The following UBR3 variants were observed in gnomAD, a reference collection of about 807,000 sequenced individuals.
UBR3 encodes ubiquitin protein ligase E3 component n-recognin 3.
In UBR3, 85 loss-of-function variants were observed where a neutral mutation model predicts 243.2. The ratio of observed to expected loss-of-function variants is 0.35; its 90% CI spans 0.29 to 0.42. UBR3 has a LOEUF of 0.42. Ranked by LOEUF, UBR3 falls within the 10% of genes least tolerant of loss-of-function variation. The pLI, the probability that UBR3 is intolerant of heterozygous loss-of-function variation, is 1.00. For synonymous variants in UBR3, 748 were observed against 799.8 expected (o/e 0.94, Z 1.09); for missense variants, 1,686 against 2,300.8 (o/e 0.73, Z 5.47).
intron 5 of UBR3, among the ~76,000 whole-genome samples, chr2:169,890,579 ATG>A (rs1553504576): frequency 2.9e-4 from 18 of 61,236 alleles, no homozygotes; most frequent in Middle Eastern, 8.1e-3. Flanking sequence ...ATATATATAT[ATG>A]TATATATATA....
chr2:170,068,783 A>T lies in UBR3; in HGVS notation c.5020-4645A>T, dbSNP rs116563699. Among the ~76,000 whole-genome samples, 359 of 152,290 alleles carry T rather than the reference A, an allele frequency of 2.4e-3. 2 individuals are homozygous for T. The highest frequency in any genetic ancestry group is 8.4e-3 in the African/African-American group (349 of 41,560). On this transcript the variant is annotated intron_variant, in intron 35 of 38. Transcript: ENST00000272793. ...GGTGGTACAAATGACCAGTATCAGGAATGAAAGGGAAGACATCCATATTGA... is the reference window on the plus strand; with the variant it reads ...GGTGGTACAAATGACCAGTATCAGGTATGAAAGGGAAGACATCCATATTGA...
chr2:170,026,372 A>G (rs2090529369), intron 30 of UBR3, among the ~76,000 whole-genome samples: 1 of 152,166 alleles, frequency 6.6e-6, no homozygotes, highest in African/African-American at 2.4e-5. Context: ...TCATATTTGT[A>G]CAAACCATGT....
intron 1 of UBR3, among the ~76,000 whole-genome samples, chr2:169,852,883 A>AAAAAAAAAAAAAAAAAAAAAAAAAC (rs1491293579): frequency 1.7e-5 from 1 of 59,732 alleles, no homozygotes. Flanking sequence ...AAAAAACAAA[A>AAAAAAAAAAAAAAAAAAAAAAAAAC]CCAAACAAAT....
chr2:170,038,752 G>T lies in UBR3; in HGVS notation c.4557-2130G>T, dbSNP rs114008097. On this transcript the variant is annotated intron_variant, in intron 31 of 38. Transcript: ENST00000272793. ...GTTATGTTTCAGGCATTGTATAAATGCAGGAGGACGTAAGAAATAAGCCAC... is the reference window on the plus strand; with the variant it reads ...GTTATGTTTCAGGCATTGTATAAATTCAGGAGGACGTAAGAAATAAGCCAC... Among the ~76,000 whole-genome samples, 334 of 152,272 alleles carry T rather than the reference G, an allele frequency of 2.2e-3. 2 individuals are homozygous for T. Among genetic ancestry groups the T allele is most frequent in the African/African-American group, 7.8e-3 (326 of 41,554 alleles).
At chr2:169,875,303 A>G (rs1465737003) in intron 2 of UBR3, among the ~76,000 whole-genome samples, 2 of 152,128 alleles carry the variant, frequency 1.3e-5, no homozygotes, top group African/African-American at 4.8e-5. Context: ...ATGTGGAAGT[A>G]TAGGGCCCAC....
chr2:169,832,982 C>T (rs952907021), intron 1 of UBR3, among the ~76,000 whole-genome samples: 1 of 151,984 alleles, frequency 6.6e-6, no homozygotes, highest in Non-Finnish European at 1.5e-5. Context: ...ACAAAATAAC[C>T]TGTAATGGAA....
Position 169,942,573 on chromosome 2 carries a change from G to T in UBR3, c.2744G>T (p.Gly915Val). Residue 915 changes from glycine (G) to valine (V), a missense_variant, in exon 20 of 39, where the codon GGT (glycine) becomes GTT (valine). Transcript: ENST00000272793. ...KRTSLHPSYK[G>V]LMRLLHCKTL... is the part of the protein sequence containing the mutation. ...ACATCACTCCATCCTAGCTATAAAG[G>T]TCTTATGAGACTTTTGCACTGTAAA... 2.6e-6 allele frequency: 4 copies of T among 1,550,362 alleles called. No individual in the cohort carries two copies. The highest frequency in any genetic ancestry group is 2.6e-6 in the Non-Finnish European group (3 of 1,146,640).
intron 5 of UBR3, among the ~76,000 whole-genome samples, chr2:169,882,718 A>C (rs2083940204): frequency 6.6e-6 from 1 of 151,780 alleles, no homozygotes; most frequent in Non-Finnish European, 1.5e-5. Flanking sequence ...AGCCTGGGTG[A>C]CAGAGTGAGA....
intron 18 of UBR3, among the ~76,000 whole-genome samples, chr2:169,929,469 G>C (rs908693662): frequency 6.6e-6 from 1 of 151,986 alleles, no homozygotes; most frequent in African/African-American, 2.4e-5. Flanking sequence ...CCAGCTACTC[G>C]GGAGGCTGAG....
Position 170,008,092 on chromosome 2 carries a change from A to G in UBR3, c.4231-712A>G, listed in dbSNP as rs114994490. 9.2e-3 allele frequency among the ~76,000 whole-genome samples: 1,399 copies of G among 152,292 alleles called. 24 individuals carry two copies. Among genetic ancestry groups the G allele is most frequent in the African/African-American group, 0.031 (1,309 of 41,560 alleles). Reference sequence around the variant, plus strand: ...GTAATTGATTGAACTGTTCATCACAAGTCAGACTACTGTAGGGGGGAACTC... The same window carrying G: ...GTAATTGATTGAACTGTTCATCACAGGTCAGACTACTGTAGGGGGGAACTC... On this transcript the variant is annotated intron_variant, in intron 28 of 38. Coordinates refer to ENST00000272793, the MANE Select transcript of UBR3 (RefSeq NM_172070.4).
At chr2:169,836,058 TA>T (rs2082094453) in intron 1 of UBR3, among the ~76,000 whole-genome samples, 2 of 58,188 alleles carry the variant, frequency 3.4e-5, no homozygotes, top group Admixed American at 2.2e-4. Flanking sequence ...TATATATATA[TA>T]TATATATATT....
At chr2:170,074,517 G>A (rs1234858728) in intron 36 of UBR3, among the ~76,000 whole-genome samples, 5 of 152,070 alleles carry the variant, frequency 3.3e-5, no homozygotes, top group Admixed American at 6.6e-5. Flanking sequence ...TCATCGTATA[G>A]CCTCCCTCTG....
At chr2:169,958,818 C>T (rs1310750744) in intron 24 of UBR3, among the ~76,000 whole-genome samples, 1 of 152,136 alleles carries the variant, frequency 6.6e-6, no homozygotes, top group Non-Finnish European at 1.5e-5. Context: ...CATCAATGTA[C>T]ATTTACTTGT....
chr2:169,905,069 A>T (rs575603068), intron 8 of UBR3, 45 bp from the exon 9 acceptor site: 32 of 1,398,300 alleles, frequency 2.3e-5, no homozygotes, highest in African/African-American at 1.6e-4. Context: ...TAAGCTTTTT[A>T]AAAAAATCTT....
At chr2:169,921,761 G>A (rs2085706262) in intron 11 of UBR3, among the ~76,000 whole-genome samples, 1 of 152,150 alleles carries the variant, frequency 6.6e-6, no homozygotes, top group South Asian at 2.1e-4. Flanking sequence ...GGAGGCCGAG[G>A]CAGGTGGATC....
chr2:170,013,400 C>G (rs557902344), intron 29 of UBR3, among the ~76,000 whole-genome samples: 1 of 152,112 alleles, frequency 6.6e-6, no homozygotes, highest in Non-Finnish European at 1.5e-5. Flanking sequence ...CACAGGAGTT[C>G]AAGTGCAACC....
chr2:169,836,484 TGGGTC>T (rs1044946130), intron 1 of UBR3, among the ~76,000 whole-genome samples: 1 of 151,736 alleles, frequency 6.6e-6, no homozygotes, highest in African/African-American at 2.4e-5. Flanking sequence ...AGGGGCCTGT[TGGGTC>T]GGGGGCAGGG....
At chr2:170,075,177 G>GCTAT (rs1178093017) in intron 36 of UBR3, among the ~76,000 whole-genome samples, 2 of 151,214 alleles carry the variant, frequency 1.3e-5, no homozygotes, top group South Asian at 2.2e-4. Context: ...TTAAAAAGAT[G>GCTAT]CTATCTCATT....
At chr2:170,079,166 A>G (rs2091864184) in intron 36 of UBR3, among the ~76,000 whole-genome samples, 1 of 152,206 alleles carries the variant, frequency 6.6e-6, no homozygotes, top group Admixed American at 6.5e-5. Flanking sequence ...CAGTATTTTT[A>G]TACAGCTGCA....
Sources: allele counts gnomAD v4.1 joint callset (sites outside exome capture counted in the v4.1 genomes callset), GRCh38; gene constraint gnomAD v4.1.1; transcripts MANE v1.5; gene names NCBI Gene and HGNC (gene_info 2026-07-23, HGNC 2026-07-21).